Variants in KIF20B observed in about 807,000 individuals in gnomAD.
KIF20B encodes kinesin family member 20B.
KIF20B carries 188 observed loss-of-function variants against 232.5 expected under a neutral mutation model. The observed-to-expected ratio is 0.81, with a 90% CI of 0.72 to 0.91. KIF20B has a LOEUF of 0.91. Among genes scored for constraint, KIF20B ranks in the 40% least tolerant of loss-of-function variants. The pLI is 0.00. For missense variants in KIF20B, 2,154 were observed against 2,055.9 expected (o/e 1.05, Z -0.92); for synonymous variants, 712 against 683.0 (o/e 1.04, Z -0.66).
At chr10:89,767,298 A>G (rs540985149) in intron 29 of KIF20B, among the ~76,000 whole-genome samples, 1 of 151,644 alleles carries the variant, frequency 6.6e-6, no homozygotes, top group East Asian at 1.9e-4. Flanking sequence ...TGTCACCTAC[A>G]TTAGGTATTT....
chr10:89,724,495 C>T (rs1345351808), intron 14 of KIF20B, among the ~76,000 whole-genome samples: 3 of 152,238 alleles, frequency 2.0e-5, no homozygotes, highest in Non-Finnish European at 4.4e-5. Flanking sequence ...TGTCACTGCA[C>T]TCCAGCCTGG....
intron 13 of KIF20B, among the ~76,000 whole-genome samples, chr10:89,720,402 T>C (rs140837594): frequency 6.6e-6 from 1 of 152,334 alleles, no homozygotes; most frequent in East Asian, 1.9e-4. Context: ...GATTTTTCCA[T>C]TCTTAGAGAT....
At position 89,712,146 on chromosome 10, in the gene KIF20B, G is replaced by A. The variant is rs184630425; in HGVS notation, c.675+1001G>A. ...TTCTTGTTTACTGATTTATTAAAAT[G>A]TATTTAAAAAAATGAATACATTATT... is the stretch of plus-strand genomic sequence containing the variant. On this transcript the variant is annotated intron_variant, in intron 6 of 32. Coordinates refer to ENST00000371728, the MANE Select transcript of KIF20B (RefSeq NM_001284259.2). 1.3e-3 allele frequency among the ~76,000 whole-genome samples: 196 copies of A among 151,890 alleles called. 1 individual carries two copies. Among genetic ancestry groups the A allele is most frequent in the African/African-American group, 4.5e-3 (186 of 41,412 alleles).
At chr10:89,766,473 G>A (rs759855185) in intron 29 of KIF20B, 1 of 152,130 alleles carries the variant, frequency 6.6e-6, no homozygotes, top group African/African-American at 2.4e-5. Context: ...CCAATACAGA[G>A]AAGTGCTTAA....
At chr10:89,764,874 T>G (rs1276556428) in intron 29 of KIF20B, among the ~76,000 whole-genome samples, 1 of 152,132 alleles carries the variant, frequency 6.6e-6, no homozygotes, top group Non-Finnish European at 1.5e-5. Context: ...GTAGTTTCTT[T>G]TGCTGTGCAG....
In KIF20B at chr10:89,772,804, A is replaced by G. The variant is rs997868464; in HGVS notation, c.5358A>G (p.Ser1786=). Residue 1786 remains serine, a synonymous_variant, in exon 32 of 33, where the codon TCA becomes TCG. Coordinates refer to ENST00000371728, the MANE Select transcript of KIF20B (RefSeq NM_001284259.2). The part of the protein sequence containing the change: ...AKRKLYTSEI[S]SPIDISGQVI... ...GGAAATTATACACAAGTGAAATTTC[A>G]TCTCCTATTGATATATCAGGCCAAG... 1.2e-6 allele frequency: 2 copies of G among 1,610,804 alleles called. No homozygotes were observed. Among genetic ancestry groups the G allele is most frequent in the South Asian group, 2.2e-5 (2 of 90,576 alleles).
intron 29 of KIF20B, among the ~76,000 whole-genome samples, chr10:89,763,130 A>C (rs1464779700): frequency 1.3e-5 from 2 of 152,038 alleles, no homozygotes; most frequent in Non-Finnish European, 2.9e-5. Flanking sequence ...AAAATACAAA[A>C]ATTAGCCAGG....
At chr10:89,738,759 T>C (rs1841727129) in intron 20 of KIF20B, 142 bp downstream of exon 20, 8 of 1,213,482 alleles carry the variant, frequency 6.6e-6, no homozygotes, top group Non-Finnish European at 7.7e-6. Context: ...TTTGTCCATA[T>C]AAACCTTTGG....
chr10:89,707,962 T>C (rs1842759485), intron 2 of KIF20B, among the ~76,000 whole-genome samples: 1 of 152,232 alleles, frequency 6.6e-6, no homozygotes, highest in Non-Finnish European at 1.5e-5. Flanking sequence ...TTGCCTGGAT[T>C]GATTTTTGAA....
chr10:89,735,421 C>A (rs983958675), intron 19 of KIF20B, among the ~76,000 whole-genome samples: 6 of 149,156 alleles, frequency 4.0e-5, no homozygotes, highest in African/African-American at 1.5e-4. Flanking sequence ...AAACATATTT[C>A]AATAAAATAT....
rs771063788 is a variant in KIF20B at position 89,726,448 on chromosome 10, A to C, written c.2157A>C (p.Gln719His). 1.2e-6 allele frequency: 2 copies of C among 1,607,188 alleles called. No individual in the cohort carries two copies. The highest frequency in any genetic ancestry group is 8.5e-7 in the Non-Finnish European group (1 of 1,176,048). ...ATACLELKFN[Q>H]IKAELAKTKG... ...CTTGTTTAGAACTAAAGTTTAATCA[A>C]ATTAAAGCTGAATTAGCTAAAACCA... Residue 719 changes from glutamine (Q) to histidine (H), a missense_variant, in exon 16 of 33, where the codon CAA becomes CAC. By Grantham distance (24) the Gln-to-His change is conservative (BLOSUM62 0). Transcript: ENST00000371728.
chr10:89,752,608 A>G lies in KIF20B; in HGVS notation c.4264A>G (p.Lys1422Glu). The change falls in exon 25 of 33, where the codon AAA becomes GAA. Residue 1422 changes from lysine (K) to glutamate (E), a missense_variant. Transcript: ENST00000371728. ...GGAAAAATGCAATGATTTGGAAACC[A>G]AAAACAATCAAAGGTCAAATAAAGA... is the stretch of plus-strand genomic sequence containing the variant. ...WKEKCNDLET[K>E]NNQRSNKEHE... The G allele has an allele frequency of 1.2e-6, 2 of 1,602,914 alleles. No individual in the cohort carries two copies. The highest frequency in any genetic ancestry group is 1.7e-6 in the Non-Finnish European group (2 of 1,174,348).
chr10:89,730,973 G>A (rs962996238), intron 18 of KIF20B, among the ~76,000 whole-genome samples: 1 of 148,236 alleles, frequency 6.7e-6, no homozygotes, highest in Non-Finnish European at 1.5e-5. Flanking sequence ...TCGATTTACG[G>A]TAGTAGTAGT....
chr10:89,748,583 A>T (rs1409272762), intron 23 of KIF20B, among the ~76,000 whole-genome samples: 1 of 152,168 alleles, frequency 6.6e-6, no homozygotes, highest in Non-Finnish European at 1.5e-5. Context: ...GGATGTGAAA[A>T]TATATCTCTG....
Position 89,742,156 on chromosome 10 carries a change from G to A in KIF20B, c.3916-1652G>A, listed in dbSNP as rs145352810. ...GAAAAAAGAAATTTATGTTAGTTTT[G>A]CTGGTGCACCTCACTGCAAAAGTTA... On this transcript the variant is annotated intron_variant, in intron 21 of 32. Transcript: ENST00000371728. Among the ~76,000 whole-genome samples, 723 of 152,274 alleles carry A rather than the reference G, an allele frequency of 4.7e-3. 3 individuals are homozygous for A. Among genetic ancestry groups the A allele is most frequent in the African/African-American group, 0.017 (695 of 41,548 alleles).
At chr10:89,724,284 T>G (rs901331368) in intron 14 of KIF20B, among the ~76,000 whole-genome samples, 181 bp downstream of exon 14, 1 of 152,136 alleles carries the variant, frequency 6.6e-6, no homozygotes, top group Non-Finnish European at 1.5e-5. Context: ...CCCAGCATTT[T>G]GGGAGGCCTA....
At chr10:89,773,761 C>G (rs1842514604) in intron 32 of KIF20B, among the ~76,000 whole-genome samples, 1 of 151,850 alleles carries the variant, frequency 6.6e-6, no homozygotes, top group South Asian at 2.1e-4. Context: ...TATTTTACTT[C>G]TAGAATTTGA....
chr10:89,763,145 G>T (rs1842280555), intron 29 of KIF20B, among the ~76,000 whole-genome samples: 1 of 152,100 alleles, frequency 6.6e-6, no homozygotes, highest in Admixed American at 6.6e-5. Flanking sequence ...GCCAGGAGTG[G>T]TGGTGCACAC....
intron 6 of KIF20B, among the ~76,000 whole-genome samples, chr10:89,712,990 G>A (rs1262190049): frequency 6.6e-6 from 1 of 152,162 alleles, no homozygotes; most frequent in East Asian, 1.9e-4. Flanking sequence ...GTAGAATAGT[G>A]TTTTAACAAA....
Sources: gnomAD v4.1 joint callset for allele counts (sites outside exome capture counted in the v4.1 genomes callset) on GRCh38, gnomAD v4.1.1 for gene constraint, MANE v1.5 for transcripts, NCBI Gene and HGNC (gene_info 2026-07-23, HGNC 2026-07-21) for gene names.